The following DIS3L2 variants were observed in gnomAD, a reference collection of about 807,000 sequenced individuals.
DIS3L2 encodes DIS3-like exonuclease 2.
Under a neutral mutation model 97.5 loss-of-function variants are expected in DIS3L2, and 34 were observed. The observed-to-expected ratio is 0.35, with a 90% confidence interval of 0.27 to 0.46. The LOEUF (loss-of-function observed/expected upper bound fraction) is 0.46, where lower values mean the gene tolerates loss of function less well. DIS3L2 is among the 20% of genes least tolerant of loss of function. The pLI is 1.00. For missense variants in DIS3L2, 1,038 were observed against 1,146.0 expected (o/e 0.91, Z 1.36); for synonymous variants, 435 against 445.2 (o/e 0.98, Z 0.29).
At chr2:232,051,538 C>T (rs537337487) in intron 5 of DIS3L2, among the ~76,000 whole-genome samples, 41 of 152,190 alleles carry the variant, frequency 2.7e-4, no homozygotes, top group African/African-American at 7.2e-4. Context: ...TTCGGCTGGG[C>T]GCGGTGGCTC....
At chr2:232,012,274 C>T (rs1254658778) in intron 1 of DIS3L2, among the ~76,000 whole-genome samples, 3 of 152,128 alleles carry the variant, frequency 2.0e-5, no homozygotes, top group Non-Finnish European at 4.4e-5. Flanking sequence ...ATGACAAACC[C>T]AATCAAACAT....
At chr2:232,256,314 T>C (rs748942308) in intron 12 of DIS3L2, among the ~76,000 whole-genome samples, 1 of 152,232 alleles carries the variant, frequency 6.6e-6, no homozygotes, top group African/African-American at 2.4e-5. Flanking sequence ...AGCTCTCTGC[T>C]GTGCTGCAGG....
downstream of DIS3L2, chr2:232,340,946 G>A (rs1041557827): frequency 4.3e-6 from 2 of 470,548 alleles, no homozygotes; most frequent in Non-Finnish European, 8.8e-6. Context: ...AAAGAAAGCT[G>A]TAGAAAAAGA....
chr2:232,169,857 T>C (rs1230328544), intron 9 of DIS3L2, among the ~76,000 whole-genome samples: 1 of 152,224 alleles, frequency 6.6e-6, no homozygotes, highest in Admixed American at 6.5e-5. Context: ...TCCAGTTTTT[T>C]GGTCCAATGG....
intron 6 of DIS3L2, among the ~76,000 whole-genome samples, chr2:232,096,114 TCTCG>T (rs1156238957): frequency 1.4e-5 from 2 of 146,722 alleles, no homozygotes; most frequent in Non-Finnish European, 3.0e-5. Context: ...TGAGACAGAG[TCTCG>T]CTCTGTCGCC....
chr2:232,015,097 C>A, intron 2 of DIS3L2, 118 bp downstream of exon 2: 1 of 943,634 alleles, frequency 1.1e-6, no homozygotes, highest in Non-Finnish European at 1.6e-6. Context: ...TTTTAGTGAC[C>A]TGTTAAGTAT....
chr2:232,022,908 G>A (rs971557849), intron 3 of DIS3L2, among the ~76,000 whole-genome samples: 1 of 152,196 alleles, frequency 6.6e-6, no homozygotes, highest in Admixed American at 6.5e-5. Context: ...GACTGGCCTT[G>A]GGGAGCTTTG....
chr2:232,275,745 G>A (rs1574987718), intron 13 of DIS3L2, among the ~76,000 whole-genome samples: 1 of 152,176 alleles, frequency 6.6e-6, no homozygotes, highest in East Asian at 1.9e-4. Flanking sequence ...CAGGTACAAG[G>A]TAATCTGCTA....
chr2:232,329,787 C>CCCGGGCG, intron 14 of DIS3L2, 26 bp from the exon 15 acceptor site: 2 of 1,062,208 alleles, frequency 1.9e-6, no homozygotes, highest in Non-Finnish European at 1.3e-6. Flanking sequence ...CCCAGCGGTC[C>CCCGGGCG]CTCCCATCCC....
At chr2:232,016,072 G>T in intron 3 of DIS3L2, 1 of 157,696 alleles carries the variant, frequency 6.3e-6, no homozygotes, top group Admixed American at 6.2e-5. Flanking sequence ...GTGAGAAATT[G>T]GGTTTGGATA....
chr2:232,189,926 A>G (rs1405272795), intron 9 of DIS3L2, among the ~76,000 whole-genome samples: 1 of 152,240 alleles, frequency 6.6e-6, no homozygotes, highest in Non-Finnish European at 1.5e-5. Flanking sequence ...CCAGATTAAT[A>G]AAGATGGGAA....
chr2:232,262,055 C>G (rs986325674), intron 12 of DIS3L2, among the ~76,000 whole-genome samples: 3 of 152,206 alleles, frequency 2.0e-5, no homozygotes, highest in Non-Finnish European at 2.9e-5. Context: ...CTCTTTTCTC[C>G]TGCTTTTCCT....
intron 6 of DIS3L2, among the ~76,000 whole-genome samples, chr2:232,114,098 A>G (rs1047607026): frequency 1.3e-5 from 2 of 152,114 alleles, no homozygotes; most frequent in African/African-American, 4.8e-5. Flanking sequence ...GACCCAACCA[A>G]TCAGCACTCT....
intron 14 of DIS3L2, among the ~76,000 whole-genome samples, chr2:232,321,309 GT>G (rs1281347115): frequency 6.6e-6 from 1 of 152,176 alleles, no homozygotes; most frequent in Non-Finnish European, 1.5e-5. Context: ...TTCTCTGACT[GT>G]ATGGAGCTCA....
At chr2:232,341,663 C>T (rs544489224), downstream of DIS3L2, among the ~76,000 whole-genome samples, 1 of 152,350 alleles carries the variant, frequency 6.6e-6, no homozygotes, top group South Asian at 2.1e-4. Flanking sequence ...TCATTTTCCT[C>T]AGTGGGAAGC....
intron 12 of DIS3L2, 78 bp downstream of exon 12, chr2:232,249,424 G>C: frequency 6.9e-7 from 1 of 1,449,598 alleles, no homozygotes; most frequent in South Asian, 1.2e-5. Context: ...CATGTGCCTG[G>C]CACTGGCTTG....
At chr2:232,278,522 A>G (rs1004101511) in intron 13 of DIS3L2, among the ~76,000 whole-genome samples, 1 of 152,056 alleles carries the variant, frequency 6.6e-6, no homozygotes, top group African/African-American at 2.4e-5. Context: ...GCCTCTTTAT[A>G]GTTTTGCCTT....
intron 16 of DIS3L2, among the ~76,000 whole-genome samples, chr2:232,331,226 G>T (rs1241382130): frequency 8.0e-4 from 122 of 152,372 alleles, no homozygotes; most frequent in African/African-American, 2.6e-3. Context: ...GGGCCTGCAG[G>T]GAGGTGGCAG....
At chr2:232,078,017 C>CTTTCT (rs1385553351) in intron 5 of DIS3L2, among the ~76,000 whole-genome samples, 4 of 77,518 alleles carry the variant, frequency 5.2e-5, no homozygotes, top group African/African-American at 2.0e-4. Flanking sequence ...TTCTTTCTTT[C>CTTTCT]TTTTTCTCTT....
Sources: gnomAD v4.1 joint callset for allele counts (sites outside exome capture counted in the v4.1 genomes callset) on GRCh38, gnomAD v4.1.1 for gene constraint, MANE v1.5 for transcripts, NCBI Gene and HGNC (gene_info 2026-07-23, HGNC 2026-07-21) for gene names.